Variants in YTHDC1 observed in about 807,000 individuals in gnomAD.
The protein encoded by YTHDC1 is YTH N6-methyladenosine RNA binding protein C1.
In YTHDC1, 12 loss-of-function variants were observed where a neutral mutation model predicts 107.0. That is an observed-to-expected ratio of 0.11 (90% CI 0.07 to 0.18). The LOEUF is 0.18. Among genes scored for constraint, YTHDC1 ranks in the 10% least tolerant of loss-of-function variants. The pLI, the probability that YTHDC1 is intolerant of heterozygous loss-of-function variation, is 1.00. For missense variants in YTHDC1, 635 were observed against 898.8 expected (o/e 0.71, Z 3.75); for synonymous variants, 280 against 289.5 (o/e 0.97, Z 0.33).
intron 12 of YTHDC1, 131 bp downstream of exon 12, chr4:68,319,992 C>G (rs1722274235): frequency 1.4e-6 from 1 of 730,478 alleles, no homozygotes; most frequent in Non-Finnish European, 2.2e-6. Flanking sequence ...TAAAATTTCT[C>G]AAGATTTAAG....
At chr4:68,333,678 A>G (rs1359505010) in intron 4 of YTHDC1, among the ~76,000 whole-genome samples, 4 of 151,754 alleles carry the variant, frequency 2.6e-5, no homozygotes, top group Admixed American at 1.3e-4. Context: ...CCTTGAATAC[A>G]GTTTTCCAAG....
intron 1 of YTHDC1, among the ~76,000 whole-genome samples, chr4:68,338,681 C>T (rs546943031): frequency 9.8e-5 from 15 of 152,306 alleles, no homozygotes; most frequent in African/African-American, 3.4e-4. Context: ...CAAAACCCTG[C>T]TCTGCTAAAA....
At position 68,313,701 on chromosome 4, in the gene YTHDC1, C is replaced by T. The variant is rs1166115514; in HGVS notation, c.*398G>A. The T allele has an allele frequency of 2.2e-5, 4 of 179,378 alleles. No individual in the cohort carries two copies. Among genetic ancestry groups the T allele is most frequent in the Admixed American group, 1.1e-4 (2 of 18,246 alleles). 11.1% of individuals were successfully genotyped at this position (179,378 alleles called of 1,614,324 possible). On this transcript the variant is annotated 3_prime_UTR_variant, in exon 17 of 17. Transcript: ENST00000344157. ...GATAGCAGCATTATTTTTACTGAAC[C>T]GTGTGCAACTACATGTAGAAACACA...
intron 7 of YTHDC1, 62 bp from the exon 8 acceptor site, chr4:68,330,372 T>TA: frequency 8.5e-7 from 1 of 1,172,282 alleles, no homozygotes. Context: ...TGTTTCCAGT[T>TA]ATGTTTGAAA....
chr4:68,347,342 T>A (rs1018468588), intron 1 of YTHDC1, among the ~76,000 whole-genome samples: 6 of 152,194 alleles, frequency 3.9e-5, no homozygotes, highest in African/African-American at 1.4e-4. Flanking sequence ...TATAGAAAAA[T>A]GGCATTTAAT....
At chr4:68,329,449 T>C (rs1318501200) in intron 9 of YTHDC1, among the ~76,000 whole-genome samples, 1 of 152,200 alleles carries the variant, frequency 6.6e-6, no homozygotes, top group African/African-American at 2.4e-5. Flanking sequence ...GGTAATACAT[T>C]TGTGTATGCC....
At chr4:68,349,626 C>CA in intron 1 of YTHDC1, 100 bp downstream of exon 1, 1 of 337,638 alleles carries the variant, frequency 3.0e-6, no homozygotes, top group Admixed American at 3.4e-5. Context: ...CAGCTAACCT[C>CA]CCCAACCCCC....
chr4:68,347,995 A>T (rs1021393400), intron 1 of YTHDC1, among the ~76,000 whole-genome samples: 14 of 152,118 alleles, frequency 9.2e-5, no homozygotes, highest in African/African-American at 2.4e-4. Context: ...AAAATTAAAT[A>T]AAAAAAACTA....
intron 1 of YTHDC1, among the ~76,000 whole-genome samples, chr4:68,340,782 T>C (rs1021614788): frequency 1.3e-5 from 2 of 152,048 alleles, no homozygotes; most frequent in Non-Finnish European, 1.5e-5. Flanking sequence ...TTCAGAAATA[T>C]CATCCCCGAA....
Position 68,320,139 on chromosome 4 carries a change from C to T in YTHDC1, c.1668G>A (p.Glu556=). ...RKKPRIDYPP[E]FHQRPGYLKD... is the part of the protein sequence containing the mutation. ...AATATTAACCTGGTCTCTGGTGAAA[C>T]TCAGGGGGATAGTCAATCCTTGGTT... Residue 556 remains glutamate (E), a synonymous_variant, in exon 12 of 17, where the codon GAG becomes GAA. Transcript: ENST00000344157. 1 of 1,606,546 alleles carries T rather than the reference C, an allele frequency of 6.2e-7. No homozygotes were observed. Among genetic ancestry groups the T allele is most frequent in the Admixed American group, 1.7e-5 (1 of 58,672 alleles).
At chr4:68,344,627 G>GA (rs1262498167) in intron 1 of YTHDC1, among the ~76,000 whole-genome samples, 2 of 152,180 alleles carry the variant, frequency 1.3e-5, no homozygotes, top group Non-Finnish European at 2.9e-5. Flanking sequence ...ATTCCTCCGT[G>GA]AAAGTATAAT....
intron 15 of YTHDC1, among the ~76,000 whole-genome samples, chr4:68,317,201 G>A (rs1721960157): frequency 6.6e-6 from 1 of 152,100 alleles, no homozygotes; most frequent in African/African-American, 2.4e-5. Context: ...TCCAGCCTGG[G>A]AGACCGAATG....
At chr4:68,334,240 G>A (rs1723911975) in intron 4 of YTHDC1, among the ~76,000 whole-genome samples, 1 of 151,588 alleles carries the variant, frequency 6.6e-6, no homozygotes, top group Non-Finnish European at 1.5e-5. Flanking sequence ...AAGGGAATAG[G>A]AAGAAAAAAA....
In YTHDC1 at chr4:68,324,130, G is replaced by A. The variant is rs1316478149; in HGVS notation, c.1434+9C>T. The A allele has an allele frequency of 1.9e-6, 3 of 1,607,370 alleles. No homozygotes were observed. The highest frequency in any genetic ancestry group is 8.5e-7 in the Non-Finnish European group (1 of 1,176,536). On this transcript the variant is annotated intron_variant, in intron 10 of 16. Transcript: ENST00000344157. ...GTGTTTTTTTAAAGAATCAATTAAG[G>A]CCACAAACCTGTCCATCACGTCCGA...
rs1293823804 is a variant in YTHDC1, at chr4:68,313,564, TAA to T, written c.*533_*534del. On this transcript the variant is annotated 3_prime_UTR_variant, in exon 17 of 17. Coordinates refer to ENST00000344157, the MANE Select transcript of YTHDC1 (RefSeq NM_001031732.4). ...CTCGTCATTGAAGACTGAGGAAAAATAAAAAGTGACTTTATAAGTTTTTTAAA... is the reference window on the plus strand; with the variant it reads ...CTCGTCATTGAAGACTGAGGAAAAATAAAGTGACTTTATAAGTTTTTTAAA... The T allele has an allele frequency of 6.5e-6, 1 of 152,916 alleles. No individual in the cohort carries two copies. The highest frequency in any genetic ancestry group is 2.4e-5 in the African/African-American group (1 of 41,230). The allele number at this position is 152,916 out of a possible 1,614,324, so 9.5% of individuals were successfully genotyped here. A position where few individuals can be genotyped will look rare whatever the true frequency, so the allele number is the denominator to read the frequency against.
At chr4:68,331,820 C>T (rs1328308996) in intron 7 of YTHDC1, among the ~76,000 whole-genome samples, 1 of 150,546 alleles carries the variant, frequency 6.6e-6, no homozygotes, top group Non-Finnish European at 1.5e-5. Context: ...AGTACAGAAA[C>T]AAAAATCAAC....
intron 7 of YTHDC1, 133 bp from the exon 8 acceptor site, chr4:68,330,443 T>C (rs144571113): frequency 1.9e-6 from 1 of 530,038 alleles, no homozygotes. Context: ...AAAGGTTTTA[T>C]TTATCAGCTG....
chr4:68,322,928 A>G lies in YTHDC1; in HGVS notation c.1435-13T>C, dbSNP rs748165958. On this transcript the variant is annotated splice_polypyrimidine_tract_variant and intron_variant, in intron 10 of 16. Transcript: ENST00000344157. The surrounding 1 kb of genome is among the most constrained non-coding windows in gnomAD (Gnocchi z 4.8). ...CAAGTTCAATTTCCTAGAATAGGAA[A>G]GTAGCAATTTATAAAACAAAAACAG... 1.1e-5 allele frequency: 17 copies of G among 1,610,014 alleles called. 1 individual carries two copies. Among genetic ancestry groups the G allele is most frequent in the Middle Eastern group, 1.6e-4 (1 of 6,072 alleles).
chr4:68,338,096 T>G, intron 2 of YTHDC1, 187 bp downstream of exon 2: 7 of 928,116 alleles, frequency 7.5e-6, no homozygotes, highest in Non-Finnish European at 9.0e-6. Context: ...AACCATATAT[T>G]TGAGAAGTTT....
Sources: gnomAD v4.1 joint callset for allele counts (sites outside exome capture counted in the v4.1 genomes callset) on GRCh38, gnomAD v4.1.1 for gene constraint, Gnocchi (gnomAD v3.1) non-coding constraint, MANE v1.5 for transcripts, NCBI Gene and HGNC (gene_info 2026-07-23, HGNC 2026-07-21) for gene names.